Variants in CDK14 observed in about 807,000 individuals in gnomAD.
CDK14 encodes cyclin dependent kinase 14.
Under a neutral mutation model 60.7 loss-of-function variants are expected in CDK14, and 34 were observed. The observed-to-expected ratio is 0.56, with a 90% CI of 0.43 to 0.75. The LOEUF is 0.75. Ranked by LOEUF, CDK14 falls within the 30% of genes least tolerant of loss-of-function variation. The pLI, the probability that CDK14 is intolerant of heterozygous loss-of-function variation, is 0.00. For synonymous variants in CDK14, 197 were observed against 203.7 expected (o/e 0.97, Z 0.28); for missense variants, 482 against 564.1 (o/e 0.85, Z 1.47).
intron 9 of CDK14, among the ~76,000 whole-genome samples, chr7:90,967,632 A>T (rs1794792021): frequency 6.6e-6 from 1 of 152,242 alleles, no homozygotes; most frequent in Non-Finnish European, 1.5e-5. Flanking sequence ...GGTTGATGAG[A>T]TAGTGATGCA....
chr7:90,758,384 C>T (rs1437618006), intron 4 of CDK14, among the ~76,000 whole-genome samples: 1 of 152,082 alleles, frequency 6.6e-6, no homozygotes, highest in East Asian at 1.9e-4. Context: ...ATTATGTTCT[C>T]TCTTCTAAAT....
At position 90,850,678 on chromosome 7, in the gene CDK14, A is replaced by T. The variant is rs541044573; in HGVS notation, c.545-12497A>T. Among the ~76,000 whole-genome samples the T allele has an allele frequency of 2.0e-5, 3 of 152,262 alleles. No homozygotes were observed. In the East Asian group the frequency reaches 5.8e-4, roughly 29 times the overall value. ...ATTGAAGATCTGAGAAAAGCACCAT[A>T]TGGCTGGAGTTCCAAGTGTGATAGG... On this transcript the variant is annotated intron_variant, in intron 5 of 14. Coordinates refer to ENST00000380050, the MANE Select transcript of CDK14 (RefSeq NM_001287135.2).
chr7:91,044,229 A>G lies in CDK14; in HGVS notation c.1042-1668A>G, dbSNP rs115869256. ...GTATATTGGTTCAGTCCAGAAAGGC[A>G]GGACAACTGGACGTGGGAGCTTCTA... On this transcript the variant is annotated intron_variant, in intron 10 of 14. Transcript: ENST00000380050. Among the ~76,000 whole-genome samples, 665 of 152,342 alleles carry G rather than the reference A, an allele frequency of 4.4e-3. 5 individuals are homozygous for G. The highest frequency in any genetic ancestry group is 0.015 in the African/African-American group (641 of 41,590).
chr7:90,668,554 C>T (rs1446783615), intron 2 of CDK14, among the ~76,000 whole-genome samples: 1 of 151,846 alleles, frequency 6.6e-6, no homozygotes, highest in Non-Finnish European at 1.5e-5. Context: ...TTGTATTTTT[C>T]GTGTCTAATC....
chr7:90,887,092 A>T (rs1347424481), intron 6 of CDK14, among the ~76,000 whole-genome samples: 1 of 152,144 alleles, frequency 6.6e-6, no homozygotes, highest in African/African-American at 2.4e-5. Flanking sequence ...CTAGCTATAT[A>T]TGAGGGATTT....
chr7:90,899,287 C>A lies in CDK14; in HGVS notation c.640-4C>A. On this transcript the variant is annotated splice_region_variant and splice_polypyrimidine_tract_variant and intron_variant, in intron 6 of 14. Coordinates refer to ENST00000380050, the MANE Select transcript of CDK14 (RefSeq NM_001287135.2). ...ATTAATACATTTTTCCTTTTCTTTT[C>A]TAGCACACTGATTTATGTCAGTACA... is the stretch of plus-strand genomic sequence containing the variant. 1 of 1,598,818 alleles carries A rather than the reference C, an allele frequency of 6.3e-7. No individual in the cohort carries two copies.
At chr7:90,610,068 G>C (rs565934623) in intron 2 of CDK14, among the ~76,000 whole-genome samples, 2 of 152,236 alleles carry the variant, frequency 1.3e-5, no homozygotes, top group Non-Finnish European at 2.9e-5. Context: ...TGTATTCCCT[G>C]TATCTTTTCT....
At chr7:91,113,161 C>T (rs988123297) in intron 13 of CDK14, among the ~76,000 whole-genome samples, 7 of 152,216 alleles carry the variant, frequency 4.6e-5, no homozygotes, top group African/African-American at 1.7e-4. Context: ...CTGTTTGATT[C>T]TCAGAGACCA....
intron 8 of CDK14, among the ~76,000 whole-genome samples, chr7:90,940,869 A>T (rs1440019362): frequency 6.6e-6 from 1 of 152,180 alleles, no homozygotes; most frequent in African/African-American, 2.4e-5. Context: ...CTATGTATAT[A>T]TATGATAAAC....
intron 8 of CDK14, among the ~76,000 whole-genome samples, chr7:90,946,601 T>C (rs1794107738): frequency 6.6e-6 from 1 of 152,188 alleles, no homozygotes; most frequent in African/African-American, 2.4e-5. Context: ...GCATTTATTA[T>C]TGAAGAAACA....
intron 14 of CDK14, among the ~76,000 whole-genome samples, chr7:91,170,182 C>T (rs747343173): frequency 9.2e-5 from 14 of 152,104 alleles, no homozygotes; most frequent in Admixed American, 3.9e-4. Context: ...AGTTGTTCCC[C>T]GTGTGTTCAC....
intron 1 of CDK14, among the ~76,000 whole-genome samples, chr7:90,598,460 C>T (rs1010288775): frequency 5.9e-5 from 9 of 152,096 alleles, no homozygotes; most frequent in African/African-American, 2.2e-4. Flanking sequence ...CCCTTTAGGA[C>T]ACAGAATGCA....
chr7:90,598,634 C>T (rs2116300177), intron 1 of CDK14, among the ~76,000 whole-genome samples: 1 of 149,096 alleles, frequency 6.7e-6, no homozygotes, highest in South Asian at 2.1e-4. Flanking sequence ...TCTGTATCTT[C>T]TTATTTTCTT....
chr7:91,058,697 G>A (rs890695581), intron 11 of CDK14, among the ~76,000 whole-genome samples: 2 of 152,176 alleles, frequency 1.3e-5, no homozygotes, highest in Non-Finnish European at 2.9e-5. Context: ...TTTATATGCT[G>A]GATTACATTT....
chr7:91,096,620 C>T (rs1213517361), intron 12 of CDK14, among the ~76,000 whole-genome samples: 1 of 152,034 alleles, frequency 6.6e-6, no homozygotes, highest in East Asian at 1.9e-4. Flanking sequence ...TACAGCTATC[C>T]TCATGGGTAT....
At chr7:90,809,187 C>T (rs1464234069) in intron 5 of CDK14, among the ~76,000 whole-genome samples, 1 of 152,120 alleles carries the variant, frequency 6.6e-6, no homozygotes, top group South Asian at 2.1e-4. Flanking sequence ...AGCACCACAC[C>T]ACACCTATTC....
Position 90,932,159 on chromosome 7 carries a change from T to C in CDK14, c.826+14435T>C, listed in dbSNP as rs1793612625. Among the ~76,000 whole-genome samples, 4 of 152,150 alleles carry C rather than the reference T, an allele frequency of 2.6e-5. No individual in the cohort carries two copies. In the South Asian group the frequency reaches 8.3e-4, roughly 32 times the overall value. On this transcript the variant is annotated intron_variant, in intron 8 of 14. Transcript: ENST00000380050. ...TGTCTGAGGCATTCACAGCTGGCTTTGGATTTCTGTGTCTCCTAAAGCTTC... is the reference window on the plus strand; with the variant it reads ...TGTCTGAGGCATTCACAGCTGGCTTCGGATTTCTGTGTCTCCTAAAGCTTC...
chr7:91,014,511 C>A (rs1796247869), intron 10 of CDK14, among the ~76,000 whole-genome samples: 1 of 151,866 alleles, frequency 6.6e-6, no homozygotes, highest in East Asian at 1.9e-4. Flanking sequence ...TTAGAGTTAC[C>A]AACTATAAAA....
intron 2 of CDK14, among the ~76,000 whole-genome samples, chr7:90,647,996 G>C (rs771095809): frequency 6.6e-6 from 1 of 152,090 alleles, no homozygotes; most frequent in Admixed American, 6.6e-5. Flanking sequence ...AATTGAAGAG[G>C]GTCCTTTGAG....
Sources: allele counts gnomAD v4.1 joint callset (sites outside exome capture counted in the v4.1 genomes callset), GRCh38; gene constraint gnomAD v4.1.1; transcripts MANE v1.5; gene names NCBI Gene and HGNC (gene_info 2026-07-23, HGNC 2026-07-21).